Variants in RTL4 observed in about 807,000 individuals in gnomAD.
The protein encoded by RTL4 is retrotransposon Gag-like protein 4.
RTL4 carries 4 observed loss-of-function variants against 5.3 expected under a neutral mutation model. That is an observed-to-expected ratio of 0.75 (90% confidence interval 0.37 to 1.72). The LOEUF (loss-of-function observed/expected upper bound fraction) is 1.72, where lower values mean the gene tolerates loss of function less well. RTL4 is among the 40% of genes most tolerant of loss of function. The probability of loss-of-function intolerance (pLI) is 0.04; values close to 1 mark genes in which losing one functional copy is unlikely to be tolerated. For missense variants in RTL4, 260 were observed against 227.1 expected (o/e 1.14, Z -0.93); for synonymous variants, 98 against 87.3 (o/e 1.12, Z -0.68).
the RTL4 span, among the ~76,000 whole-genome samples, chrX:112,310,736 T>A: frequency 1.3e-5 from 1 of 77,378 alleles, no homozygotes; most frequent in Non-Finnish European, 2.3e-5. Flanking sequence ...ATTATATATT[T>A]ATATATTATA....
At chrX:112,257,367 G>C in the RTL4 span, among the ~76,000 whole-genome samples, 1 of 111,237 alleles carries the variant, frequency 9.0e-6, no homozygotes, top group Non-Finnish European at 1.9e-5. Flanking sequence ...TATTTTATTA[G>C]TATTTTTGTG....
At chrX:112,265,395 G>T in the RTL4 span, among the ~76,000 whole-genome samples, 2 of 111,743 alleles carry the variant, frequency 1.8e-5, no homozygotes, top group Non-Finnish European at 3.8e-5. Context: ...CAGGAAGGGA[G>T]AGTCCCTGCA....
At chrX:112,178,023 C>A in the RTL4 span, among the ~76,000 whole-genome samples, 1 of 109,365 alleles carries the variant, frequency 9.1e-6, no homozygotes. Context: ...AGTTTGTCAA[C>A]CCCCAGTCTA....
the RTL4 span, among the ~76,000 whole-genome samples, chrX:112,181,012 G>T: frequency 8.9e-6 from 1 of 111,800 alleles, no homozygotes; most frequent in Non-Finnish European, 1.9e-5. Context: ...TTAGACAGTG[G>T]GTGCAGCCCA....
the RTL4 span, chrX:112,381,559 G>A: frequency 8.4e-7 from 1 of 1,185,993 alleles, no homozygotes; most frequent in East Asian, 3.0e-5. Context: ...AACCTGAGAA[G>A]GTATGGAACA....
chrX:112,257,875 A>G, the RTL4 span, among the ~76,000 whole-genome samples: 2 of 103,754 alleles, frequency 1.9e-5, no homozygotes, highest in Non-Finnish European at 3.9e-5. Context: ...AAAACTGTGT[A>G]TATATATATA....
chrX:112,337,396 G>A, the RTL4 span, among the ~76,000 whole-genome samples: 1 of 110,947 alleles, frequency 9.0e-6, no homozygotes, highest in Non-Finnish European at 1.9e-5. Context: ...CGATTCTCCT[G>A]TCTCAGCCTC....
At chrX:112,114,274 G>A in the RTL4 span, among the ~76,000 whole-genome samples, 7 of 111,523 alleles carry the variant, frequency 6.3e-5, no homozygotes, top group South Asian at 3.8e-4. Context: ...GATCTGAGTC[G>A]AGGTCCCAGT....
At chrX:112,414,466 C>G in the RTL4 span, among the ~76,000 whole-genome samples, 1 of 111,299 alleles carries the variant, frequency 9.0e-6, no homozygotes, top group African/African-American at 3.3e-5. Flanking sequence ...TACAGTTATT[C>G]CCTTTGGTCC....
At chrX:112,161,320 A>C in the RTL4 span, among the ~76,000 whole-genome samples, 3 of 111,867 alleles carry the variant, frequency 2.7e-5, no homozygotes, top group Non-Finnish European at 3.8e-5. Context: ...TTGCAATGAC[A>C]TTGTCCTTGT....
At chrX:112,357,890 A>C in the RTL4 span, among the ~76,000 whole-genome samples, 1 of 111,873 alleles carries the variant, frequency 8.9e-6, no homozygotes, top group Non-Finnish European at 1.9e-5. Context: ...TGCAACCATC[A>C]GAAAGAATAT....
chrX:112,220,947 C>T, the RTL4 span, among the ~76,000 whole-genome samples: 1 of 112,286 alleles, frequency 8.9e-6, no homozygotes, highest in East Asian at 2.8e-4. Flanking sequence ...CCAACCTCTG[C>T]CTGTTATCCA....
the RTL4 span, among the ~76,000 whole-genome samples, chrX:112,083,968 G>C: frequency 9.0e-6 from 1 of 110,965 alleles, no homozygotes; most frequent in African/African-American, 3.3e-5. Flanking sequence ...AAAGGGGCAT[G>C]TGAGTCTCTG....
chrX:112,209,541 C>T, the RTL4 span, among the ~76,000 whole-genome samples: 1 of 111,686 alleles, frequency 9.0e-6, no homozygotes, highest in South Asian at 3.8e-4. Flanking sequence ...CCTCTGTTAA[C>T]TGATCATAGG....
the RTL4 span, among the ~76,000 whole-genome samples, chrX:112,298,022 G>T: frequency 9.0e-6 from 1 of 111,560 alleles, no homozygotes; most frequent in Non-Finnish European, 1.9e-5. Flanking sequence ...TTGGTTGGTT[G>T]ATTGGCTGGC....
At chrX:112,340,621 C>G in the RTL4 span, among the ~76,000 whole-genome samples, 1 of 106,756 alleles carries the variant, frequency 9.4e-6, no homozygotes, top group African/African-American at 3.5e-5. Context: ...GTAGGGAAAC[C>G]TTTTTAGGCC....
the RTL4 span, among the ~76,000 whole-genome samples, chrX:112,178,858 C>T: frequency 6.3e-5 from 7 of 111,317 alleles, no homozygotes; most frequent in Non-Finnish European, 1.1e-4. Context: ...AATAAATCCA[C>T]GACACACAGA....
At chrX:112,222,622 G>T in the RTL4 span, among the ~76,000 whole-genome samples, 1 of 110,843 alleles carries the variant, frequency 9.0e-6, no homozygotes. Context: ...GATCCTAGCT[G>T]CTCAGGAGGC....
the RTL4 span, among the ~76,000 whole-genome samples, chrX:112,291,367 TACACACAC>T: frequency 0.037 from 3,510 of 95,331 alleles, 49 homozygotes; most frequent in Non-Finnish European, 0.05. Flanking sequence ...TGTATGTTTG[TACACACAC>T]ACACACACAC....
Sources: allele counts gnomAD v4.1 joint callset (sites outside exome capture counted in the v4.1 genomes callset), GRCh38; gene constraint gnomAD v4.1.1; transcripts MANE v1.5; gene names NCBI Gene and HGNC (gene_info 2026-07-23, HGNC 2026-07-21).